Variants in FRMD1 observed in about 807,000 individuals in gnomAD.
FRMD1 encodes the protein FERM domain containing 1.
A neutral mutation model predicts 54.9 loss-of-function variants in FRMD1; 51 were observed. The ratio of observed to expected loss-of-function variants is 0.93; its 90% CI spans 0.74 to 1.17. The LOEUF is 1.17. Ranked by LOEUF, FRMD1 falls within the 50% of genes most tolerant of loss-of-function variation. The pLI is 0.00. For synonymous variants in FRMD1, 324 were observed against 306.4 expected, an observed-to-expected ratio of 1.06 and a Z score of -0.60; for missense variants, 729 against 743.0, an observed-to-expected ratio of 0.98 and a Z score of 0.22.
chr6:168,066,513 C>T, intron 4 of FRMD1: 1 of 1,263,892 alleles, frequency 7.9e-7, no homozygotes, highest in Non-Finnish European at 1.0e-6. Flanking sequence ...CAAAACAAAA[C>T]AAAACAAAAA....
chr6:168,082,299 CAAG>C (rs1800846843), upstream of FRMD1, among the ~76,000 whole-genome samples: 1 of 152,224 alleles, frequency 6.6e-6, no homozygotes, highest in African/African-American at 2.4e-5. Flanking sequence ...GCTCAGAGGC[CAAG>C]CTGCTCAGTG....
chr6:168,071,912 C>T (rs528036948), intron 2 of FRMD1, among the ~76,000 whole-genome samples: 185 of 152,352 alleles, frequency 1.2e-3, no homozygotes, highest in African/African-American at 4.2e-3. Flanking sequence ...AGGACCCCTG[C>T]CTCCTGCCTC....
chr6:168,059,136 C>T lies in FRMD1; in HGVS notation c.1395G>A (p.Glu465=). ...GGGGGGACTCTACCTGGTGCACGGC[C>T]TCGGCGCTCTGGCCTCTGGTCCTGA... is the stretch of plus-strand genomic sequence containing the variant. ...TQVRTRGQSA[E]AVHQIQEMTA... is the part of the protein sequence containing the mutation. Residue 465 remains glutamate (E), a synonymous_variant, in exon 10 of 11, where the codon GAG becomes GAA. Transcript: ENST00000283309. This position sits in a 1 kb window ranked among gnomAD's most constrained non-coding sequence, Gnocchi z 4.4. 6.3e-7 allele frequency: 1 copy of T among 1,578,620 alleles called. No individual in the cohort carries two copies. Among genetic ancestry groups the T allele is most frequent in the Non-Finnish European group, 8.6e-7 (1 of 1,166,492 alleles).
chr6:168,090,228 C>A (rs1013364191), intron 1 of FRMD1, among the ~76,000 whole-genome samples: 1 of 152,186 alleles, frequency 6.6e-6, no homozygotes, highest in Non-Finnish European at 1.5e-5. Flanking sequence ...CTCTGCCCCC[C>A]ACGCTCTCAG....
At chr6:168,062,195 C>A (rs1437204296) in intron 7 of FRMD1, among the ~76,000 whole-genome samples, 2 of 152,218 alleles carry the variant, frequency 1.3e-5, no homozygotes, top group Non-Finnish European at 2.9e-5. Context: ...CTAGAAAGTG[C>A]CCGCAGCAGT....
rs1295860560 is a variant in FRMD1, at chr6:168,059,066, TAGG to T, written c.1407+55_1407+57del. 2 of 1,392,328 alleles carry T rather than the reference TAGG, an allele frequency of 1.4e-6. No homozygotes were observed. The highest frequency in any genetic ancestry group is 2.0e-6 in the Non-Finnish European group (2 of 1,014,106). The allele number at this position is 1,392,328 out of a possible 1,614,324, so 86.2% of individuals were successfully genotyped here. The stretch of plus-strand genomic sequence containing the variant: ...TCCCCAGGGCCCCTGACAGGGGACC[TAGG>T]AGAAGGGGGTGGAGGAGCAGGGCCA... On this transcript the variant is annotated intron_variant, in intron 10 of 10. Coordinates refer to ENST00000283309, the MANE Select transcript of FRMD1 (RefSeq NM_024919.6). This position sits in a 1 kb window ranked among gnomAD's most constrained non-coding sequence, Gnocchi z 4.4.
At chr6:168,072,369 C>T (rs73028343) in intron 2 of FRMD1, among the ~76,000 whole-genome samples, 1 of 152,236 alleles carries the variant, frequency 6.6e-6, no homozygotes, top group African/African-American at 2.4e-5. Flanking sequence ...TAGGGCTGAA[C>T]TCCCCGTGCC....
At chr6:168,078,794 A>G (rs11751396) in intron 1 of FRMD1, 88 bp downstream of exon 1, 10,321 of 286,394 alleles carry the variant, frequency 0.036, 1,121 homozygotes, top group Middle Eastern at 0.1. Flanking sequence ...ACGGCCACCC[A>G]GGGCCCTGCT....
intron 1 of FRMD1, chr6:168,075,609 G>A: frequency 1.3e-6 from 1 of 784,128 alleles, no homozygotes; most frequent in South Asian, 1.5e-5. Context: ...TGTCTCTGGT[G>A]TGAGGATTTC....
Position 168,059,316 on chromosome 6 carries a change from C to A in FRMD1, c.1343-128G>T. On this transcript the variant is annotated intron_variant, in intron 9 of 10. Coordinates refer to ENST00000283309, the MANE Select transcript of FRMD1 (RefSeq NM_024919.6). This position sits in a 1 kb window ranked among gnomAD's most constrained non-coding sequence, Gnocchi z 4.4. ...GCATCTCCTGAGGCTCACACCGCCC[C>A]CTTGCTCTCAGTGCGGTGACTGCTT... 3 of 731,916 alleles carry A rather than the reference C, an allele frequency of 4.1e-6. No individual in the cohort carries two copies. Among genetic ancestry groups the A allele is most frequent in the South Asian group, 1.8e-5 (1 of 56,370 alleles). The allele number at this position is 731,916 out of a possible 1,614,324, so 45.3% of individuals were successfully genotyped here.
upstream of FRMD1, among the ~76,000 whole-genome samples, chr6:168,085,884 G>T (rs138023649): frequency 5.9e-4 from 89 of 151,654 alleles, no homozygotes; most frequent in East Asian, 4.5e-3. Context: ...AAGCCCGTGT[G>T]GTCCCTCGGC....
In FRMD1 at chr6:168,067,416, T is replaced by C. The variant is rs749625703; in HGVS notation, c.335A>G (p.Gln112Arg). 7.5e-6 allele frequency: 12 copies of C among 1,608,632 alleles called. No homozygotes were observed. The South Asian group carries it at 7.8e-5, about 10-fold the overall frequency. ...NNEYIFMDLEQKLSKYFSKDW... is the reference protein window; with the variant it reads ...NNEYIFMDLERKLSKYFSKDW... ...TTTTGAGAAGTACTTGCTGAGCTTT[T>C]GCTCCAAATCCATAAATATATACTC... is the stretch of plus-strand genomic sequence containing the variant. The change falls in exon 3 of 11, where the codon CAA (glutamine) becomes CGA (arginine). Residue 112 changes from glutamine to arginine, a missense_variant. Transcript: ENST00000283309.
intron 9 of FRMD1, among the ~76,000 whole-genome samples, chr6:168,060,261 T>C (rs1291377571): frequency 2.2e-5 from 3 of 137,488 alleles, no homozygotes. Flanking sequence ...GGGGATGGGA[T>C]TCCTGGGAGA....
chr6:168,066,412 C>T (rs1048794742), intron 4 of FRMD1: 4 of 520,828 alleles, frequency 7.7e-6, no homozygotes, highest in South Asian at 6.6e-5. Flanking sequence ...GCAGAAGAAT[C>T]GCTTGAACCC....
rs765036020 is a variant in FRMD1 at position 168,065,014 on chromosome 6, G to T, written c.505C>A (p.Arg169Ser). Residue 169 changes from arginine (R) to serine (S), a missense_variant, in exon 5 of 11, where the codon CGC (arginine) becomes AGC (serine). Physicochemically the swap from Arg to Ser is moderately radical, Grantham distance 110 (BLOSUM62 -1). Transcript: ENST00000283309. Reference sequence around the variant, plus strand: ...TGAGCGCACTGTGACCTCAGCACGCGCTCCTTCAAGTGGCAGTAGTACAGG... The same window carrying T: ...TGAGCGCACTGTGACCTCAGCACGCTCTCCTTCAAGTGGCAGTAGTACAGG... ...RHLYYCHLKE[R>S]VLRSQCAHRE... 2 of 1,611,154 alleles carry T rather than the reference G, an allele frequency of 1.2e-6. No individual in the cohort carries two copies. The highest frequency in any genetic ancestry group is 1.7e-4 in the Middle Eastern group (1 of 6,048).
Position 168,078,951 on chromosome 6 carries a change from C to T in FRMD1, c.144G>A (p.Ala48=), listed in dbSNP as rs763029141. 49 of 1,610,544 alleles carry T rather than the reference C, an allele frequency of 3.0e-5. No homozygotes were observed. The highest frequency in any genetic ancestry group is 4.0e-5 in the African/African-American group (3 of 74,914). ...SQQEPTLGMD[A]MASEHRDVLV... is the part of the protein sequence containing the mutation. ...GGACATCCCTGTGTTCCGAGGCCAT[C>T]GCGTCCATTCCCAGGGTCGGCTCCT... Residue 48 remains alanine (A), a synonymous_variant, in exon 1 of 11, where the codon GCG becomes GCA. Coordinates refer to ENST00000283309, the MANE Select transcript of FRMD1 (RefSeq NM_024919.6).
chr6:168,081,093 A>T (rs4708636), upstream of FRMD1, among the ~76,000 whole-genome samples: 136,124 of 152,182 alleles, frequency 0.89, 60,893 homozygotes, highest in South Asian at 0.91. Flanking sequence ...TGAGGTTCAG[A>T]CCTCCAGTGA....
rs1167152531 is a variant in FRMD1 at position 168,055,376 on chromosome 6, T to TATGTGTGTGCATGC, written c.*1707_*1720dup. 4 of 152,614 alleles carry TATGTGTGTGCATGC rather than the reference T, an allele frequency of 2.6e-5. No individual in the cohort carries two copies. Among genetic ancestry groups the TATGTGTGTGCATGC allele is most frequent in the African/African-American group, 9.7e-5 (4 of 41,436 alleles). The allele number at this position is 152,614 out of a possible 1,614,324, so 9.5% of individuals were successfully genotyped here. A position where few individuals can be genotyped will look rare whatever the true frequency, so the allele number is the denominator to read the frequency against. On this transcript the variant is annotated 3_prime_UTR_variant, in exon 11 of 11. Transcript: ENST00000283309. ...GTGCAGATGTGTGCGTGTGTGCATG[T>TATGTGTGTGCATGC]ATGTGTGTGCATGCATGTGGATGTG...
chr6:168,058,691 A>T (rs974402968), intron 10 of FRMD1, among the ~76,000 whole-genome samples: 2 of 152,144 alleles, frequency 1.3e-5, no homozygotes, highest in Non-Finnish European at 2.9e-5. Context: ...AAGGCTCAGT[A>T]GCTCTACAGG....
Sources: allele counts gnomAD v4.1 joint callset (sites outside exome capture counted in the v4.1 genomes callset), GRCh38; gene constraint gnomAD v4.1.1; non-coding constraint Gnocchi (gnomAD v3.1); transcripts MANE v1.5; gene names NCBI Gene and HGNC (gene_info 2026-07-23, HGNC 2026-07-21).